The following CACNA2D2 variants were observed in gnomAD, a reference collection of about 807,000 sequenced individuals.
CACNA2D2 encodes calcium voltage-gated channel auxiliary subunit alpha2delta 2, also known as voltage-dependent calcium channel subunit alpha-2/delta-2.
A neutral mutation model predicts 166.4 loss-of-function variants in CACNA2D2; 48 were observed. The ratio of observed to expected loss-of-function variants is 0.29; its 90% CI spans 0.23 to 0.37. The LOEUF (loss-of-function observed/expected upper bound fraction) is 0.37. CACNA2D2 is among the 10% of genes least tolerant of loss of function. CACNA2D2 has a pLI of 1.00. For synonymous variants in CACNA2D2, 561 were observed against 573.7 expected, an observed-to-expected ratio of 0.98 and a Z score of 0.32; for missense variants, 1,122 against 1,433.0, an observed-to-expected ratio of 0.78 and a Z score of 3.50.
At chr3:50,416,799 GCAGAGGT>G (rs1295189334) in intron 3 of CACNA2D2, among the ~76,000 whole-genome samples, 2 of 152,244 alleles carry the variant, frequency 1.3e-5, no homozygotes, top group Non-Finnish European at 2.9e-5. Context: ...ACCTCTAGGT[GCAGAGGT>G]GAGGCAAGTG....
chr3:50,381,235 T>G, intron 6 of CACNA2D2, 109 bp from the exon 7 acceptor site: 1 of 1,347,110 alleles, frequency 7.4e-7, no homozygotes. Flanking sequence ...CCAACTGTTC[T>G]CGGCCTATCC....
intron 2 of CACNA2D2, among the ~76,000 whole-genome samples, chr3:50,470,946 C>A (rs1710061714): frequency 6.6e-6 from 1 of 152,056 alleles, no homozygotes; most frequent in African/African-American, 2.4e-5. Context: ...AGCAAGAGGA[C>A]CATATGGACG....
At chr3:50,405,922 G>A (rs1706687118) in intron 3 of CACNA2D2, among the ~76,000 whole-genome samples, 1 of 152,098 alleles carries the variant, frequency 6.6e-6, no homozygotes, top group Admixed American at 6.5e-5. Context: ...AGACTTCCTA[G>A]GCCTGCCACT....
chr3:50,476,209 G>A lies in CACNA2D2; in HGVS notation c.207-10C>T. 6.4e-7 allele frequency: 1 copy of A among 1,573,992 alleles called. No homozygotes were observed. Among genetic ancestry groups the A allele is most frequent in the Non-Finnish European group, 8.6e-7 (1 of 1,160,972 alleles). ...GGCCCAGTGCTGCATCCTGTATGCAGAGAGAGGAGAGAGGTGTCAGGAGGG... is the reference window on the plus strand; with the variant it reads ...GGCCCAGTGCTGCATCCTGTATGCAAAGAGAGGAGAGAGGTGTCAGGAGGG... On this transcript the variant is annotated splice_polypyrimidine_tract_variant and intron_variant, in intron 1 of 37. Coordinates refer to ENST00000424201, the MANE Select transcript of CACNA2D2 (RefSeq NM_006030.4).
intron 3 of CACNA2D2, among the ~76,000 whole-genome samples, chr3:50,426,531 C>T (rs546068587): frequency 1.2e-4 from 19 of 152,342 alleles, no homozygotes; most frequent in African/African-American, 3.8e-4. Context: ...CAATCCCTTC[C>T]TCTGAACTTC....
chr3:50,415,203 A>T (rs996174324), intron 3 of CACNA2D2, among the ~76,000 whole-genome samples: 2 of 152,210 alleles, frequency 1.3e-5, no homozygotes, highest in African/African-American at 4.8e-5. Flanking sequence ...ACAGGCTCCG[A>T]TGTGAGGGAG....
chr3:50,476,046 C>A lies in CACNA2D2; in HGVS notation c.288+72G>T. ...CCATTAAACCAAATCTTCCTCACTC[C>A]TTATTTCTGAAGCTTTTCCCCTTCC... On this transcript the variant is annotated intron_variant, in intron 2 of 37. Transcript: ENST00000424201. 3 of 1,341,992 alleles carry A rather than the reference C, an allele frequency of 2.2e-6. No individual in the cohort carries two copies. The South Asian group carries it at 3.8e-5, about 17-fold the overall frequency. The allele number at this position is 1,341,992 out of a possible 1,614,324, so 83.1% of individuals were successfully genotyped here.
intron 22 of CACNA2D2, among the ~76,000 whole-genome samples, chr3:50,371,965 C>T (rs764662830): frequency 3.3e-5 from 5 of 152,050 alleles, no homozygotes; most frequent in African/African-American, 7.2e-5. Flanking sequence ...GGCTCTGATC[C>T]CTTTATCCCC....
At chr3:50,465,144 G>A (rs763493471) in intron 2 of CACNA2D2, among the ~76,000 whole-genome samples, 2 of 152,260 alleles carry the variant, frequency 1.3e-5, no homozygotes, top group African/African-American at 2.4e-5. Flanking sequence ...TCGGGAGGCT[G>A]GGTGCCAGGC....
rs557612028 is a variant in CACNA2D2, at chr3:50,463,590, T to C, written c.288+12528A>G. Among the ~76,000 whole-genome samples the C allele has an allele frequency of 2.6e-5, 4 of 152,346 alleles. No individual in the cohort carries two copies. The East Asian group carries it at 7.7e-4, about 29-fold the overall frequency. On this transcript the variant is annotated intron_variant, in intron 2 of 37. Transcript: ENST00000424201. Reference sequence around the variant, plus strand: ...TGTTTAAAGCTGTGCCATTTCACCCTGACCAACAGACAGCCCTGCCTGGGA... The same window carrying C: ...TGTTTAAAGCTGTGCCATTTCACCCCGACCAACAGACAGCCCTGCCTGGGA...
In CACNA2D2 at chr3:50,379,821, A is replaced by C; in HGVS notation, c.897T>G (p.Ser299Arg). ...PKDMVIIVDV[S>R]GSVSGLTLKL... ...TCAGGGTCAGGCCGCTCACACTGCC[A>C]CTCCTGGAGAGGTCAGGCAGGGGAC... The change falls in exon 10 of 38, where the codon AGT (serine) becomes AGG (arginine). Residue 299 changes from serine (S) to arginine (R), a missense_variant. Ser to Arg is a moderately radical substitution (Grantham distance 110). Around this residue, in one of 2 missense-constraint regions of CACNA2D2, gnomAD observed 840 missense variants for 1,166.8 expected, o/e 0.72. Coordinates refer to ENST00000424201, the MANE Select transcript of CACNA2D2 (RefSeq NM_006030.4). This position sits in a 1 kb window ranked among gnomAD's most constrained non-coding sequence, Gnocchi z 6.5. The C allele has an allele frequency of 6.2e-7, 1 of 1,613,698 alleles. No homozygotes were observed. Among genetic ancestry groups the C allele is most frequent in the East Asian group, 2.2e-5 (1 of 44,870 alleles).
Position 50,375,692 on chromosome 3 carries a change from T to G in CACNA2D2, c.1859A>C (p.Glu620Ala), listed in dbSNP as rs1704935785. 3 of 1,612,786 alleles carry G rather than the reference T, an allele frequency of 1.9e-6. No homozygotes were observed. In the African/African-American group the frequency reaches 4.0e-5, roughly 22 times the overall value. Residue 620 changes from glutamate to alanine, a missense_variant, in exon 21 of 38, where the codon GAG (glutamate) becomes GCG (alanine). Coordinates refer to ENST00000424201, the MANE Select transcript of CACNA2D2 (RefSeq NM_006030.4). The surrounding 1 kb of genome is among the most constrained non-coding windows in gnomAD (Gnocchi z 4.0). ...CACCCAGGTGTAGTTCCGTGTCACC[T>G]CATCTATGTACCTCTGGGAGAGGAG... ...VKSLDERYIDEVTRNYTWVPI... is the reference protein window; with the variant it reads ...VKSLDERYIDAVTRNYTWVPI...
chr3:50,488,391 C>G (rs2107145830), intron 1 of CACNA2D2, among the ~76,000 whole-genome samples: 1 of 152,268 alleles, frequency 6.6e-6, no homozygotes, highest in Middle Eastern at 3.4e-3. Context: ...TTCATTCATT[C>G]ACTCCACAGA....
rs760497232 is a variant in CACNA2D2, at chr3:50,365,977, C to G, written c.2862+34G>C. 8.1e-6 allele frequency: 13 copies of G among 1,610,580 alleles called. No individual in the cohort carries two copies. In the Admixed American group the frequency reaches 1.8e-4, roughly 23 times the overall value. ...TCTGTGGGCAGGTCTCCCAGTCCCC[C>G]CCATCTCCAGTCCAGGCATCTCTGG... is the stretch of plus-strand genomic sequence containing the variant. On this transcript the variant is annotated intron_variant, in intron 32 of 37. Transcript: ENST00000424201. The surrounding 1 kb of genome is among the most constrained non-coding windows in gnomAD (Gnocchi z 4.5).
At chr3:50,410,345 T>C (rs868167343) in intron 3 of CACNA2D2, among the ~76,000 whole-genome samples, 1 of 152,164 alleles carries the variant, frequency 6.6e-6, no homozygotes, top group South Asian at 2.1e-4. Flanking sequence ...TTCTCACAGG[T>C]GAAGAAACCG....
intron 2 of CACNA2D2, among the ~76,000 whole-genome samples, chr3:50,448,680 C>T (rs1708971091): frequency 6.6e-6 from 1 of 152,118 alleles, no homozygotes; most frequent in Non-Finnish European, 1.5e-5. Context: ...GTACAGCACA[C>T]AGTAGGTCTC....
chr3:50,448,412 TA>T (rs1708953422), intron 2 of CACNA2D2, among the ~76,000 whole-genome samples: 1 of 152,148 alleles, frequency 6.6e-6, no homozygotes, highest in South Asian at 2.1e-4. Flanking sequence ...TGCCTGAGTG[TA>T]TCTGTACATG....
At chr3:50,449,230 G>GC (rs1033285900) in intron 2 of CACNA2D2, among the ~76,000 whole-genome samples, 1 of 152,138 alleles carries the variant, frequency 6.6e-6, no homozygotes, top group Admixed American at 6.5e-5. Flanking sequence ...CAAGATGGCA[G>GC]CCCCCCACCC....
Position 50,380,108 on chromosome 3 carries a change from C to T in CACNA2D2, c.843-90G>A. 2 of 1,345,446 alleles carry T rather than the reference C, an allele frequency of 1.5e-6. No individual in the cohort carries two copies. Among genetic ancestry groups the T allele is most frequent in the Non-Finnish European group, 1.1e-6 (1 of 942,582 alleles). The allele number at this position is 1,345,446 out of a possible 1,614,324, so 83.3% of individuals were successfully genotyped here. A position where few individuals can be genotyped will look rare whatever the true frequency, so the allele number is the denominator to read the frequency against. ...ACATACATATTGATTCAATACATTT[C>T]TCTTGAGCATGCACTGTGTGGGCCA... On this transcript the variant is annotated intron_variant, in intron 8 of 37. Coordinates refer to ENST00000424201, the MANE Select transcript of CACNA2D2 (RefSeq NM_006030.4). This position sits in a 1 kb window ranked among gnomAD's most constrained non-coding sequence, Gnocchi z 4.9.
Sources: gnomAD v4.1 joint callset for allele counts (sites outside exome capture counted in the v4.1 genomes callset) on GRCh38, gnomAD v4.1.1 for gene constraint, gnomAD v4.1.1 regional missense constraint, Gnocchi (gnomAD v3.1) non-coding constraint, MANE v1.5 for transcripts, NCBI Gene and HGNC (gene_info 2026-07-23, HGNC 2026-07-21) for gene names.